Variants in PPP1R7 observed in about 807,000 individuals in gnomAD.
The protein encoded by PPP1R7 is protein phosphatase 1 regulatory subunit 22.
PPP1R7 carries 18 observed loss-of-function variants against 45.2 expected under a neutral mutation model. That is an observed-to-expected ratio of 0.40 (90% CI 0.28 to 0.59). The LOEUF is 0.59. Among genes scored for constraint, PPP1R7 ranks in the 20% least tolerant of loss-of-function variants. The pLI is 0.46. For synonymous variants in PPP1R7, 181 were observed against 183.4 expected, an observed-to-expected ratio of 0.99 and a Z score of 0.11; for missense variants, 314 against 455.8, an observed-to-expected ratio of 0.69 and a Z score of 2.83.
upstream of PPP1R7, chr2:241,150,141 G>A: frequency 7.9e-7 from 1 of 1,272,632 alleles, no homozygotes; most frequent in Non-Finnish European, 9.9e-7. Flanking sequence ...TCGAGACAGT[G>A]ACATAAGTCA....
intron 6 of PPP1R7, among the ~76,000 whole-genome samples, chr2:241,162,207 C>G (rs1559421017): frequency 6.6e-6 from 1 of 152,202 alleles, no homozygotes; most frequent in Non-Finnish European, 1.5e-5. Context: ...CAAATTAATG[C>G]AGGCTACAGC....
chr2:241,163,667 T>A (rs1443640838), intron 7 of PPP1R7, among the ~76,000 whole-genome samples: 1 of 152,132 alleles, frequency 6.6e-6, no homozygotes, highest in African/African-American at 2.4e-5. Context: ...GCAGTGGTGC[T>A]GTCATAGCTC....
intron 9 of PPP1R7, among the ~76,000 whole-genome samples, chr2:241,172,153 A>AT (rs2067827609): frequency 9.1e-6 from 1 of 110,232 alleles, no homozygotes; most frequent in Non-Finnish European, 1.9e-5. Flanking sequence ...TTTTGGAGTG[A>AT]CTTTTTTTTT....
rs939191076 is a variant in PPP1R7, at chr2:241,151,455, G to A, written c.52+908G>A. On this transcript the variant is annotated intron_variant, in intron 1 of 9. Transcript: ENST00000234038. ...GCTGCAGAAGCAGGGCGAGCTCTGA[G>A]CTGGAGCCTGAAGAATAACTCGAAG... 8 of 471,158 alleles carry A rather than the reference G, an allele frequency of 1.7e-5. No individual in the cohort carries two copies. In the East Asian group the frequency reaches 2.8e-4, roughly 16 times the overall value. 29.2% of individuals were successfully genotyped at this position (471,158 alleles called of 1,614,324 possible). A position where few individuals can be genotyped will look rare whatever the true frequency, so the allele number is the denominator to read the frequency against.
chr2:241,174,011 A>T (rs1399334220), intron 9 of PPP1R7, among the ~76,000 whole-genome samples: 1 of 149,026 alleles, frequency 6.7e-6, no homozygotes, highest in Admixed American at 6.7e-5. Context: ...TTTTTATTAG[A>T]TCCTGGGCTT....
intron 9 of PPP1R7, among the ~76,000 whole-genome samples, chr2:241,174,437 C>G (rs765673542): frequency 6.6e-6 from 1 of 152,094 alleles, no homozygotes; most frequent in South Asian, 2.1e-4. Context: ...CCCTACATAG[C>G]TCACTCCTAT....
At chr2:241,171,877 G>C (rs1000782149) in intron 9 of PPP1R7, among the ~76,000 whole-genome samples, 1 of 152,034 alleles carries the variant, frequency 6.6e-6, no homozygotes, top group South Asian at 2.1e-4. Context: ...TATGATTAGC[G>C]CTCTCATGGA....
intron 1 of PPP1R7, among the ~76,000 whole-genome samples, chr2:241,151,939 C>T (rs2067324692): frequency 6.6e-6 from 1 of 152,224 alleles, no homozygotes; most frequent in African/African-American, 2.4e-5. Context: ...GAGCCACTGT[C>T]CCATGTTCCA....
Position 241,150,515 on chromosome 2 carries a change from C to A in PPP1R7, c.20C>A (p.Ala7Glu). The A allele has an allele frequency of 1.9e-6, 3 of 1,598,232 alleles. No individual in the cohort carries two copies. The highest frequency in any genetic ancestry group is 1.7e-4 in the Middle Eastern group (1 of 5,762). MAAERG[A>E]GQQQSQEMME... is the part of the protein sequence containing the mutation. ...GCCAACATGGCGGCGGAACGCGGCG[C>A]GGGGCAGCAACAGTCGCAGGAGATG... Residue 7 changes from alanine to glutamate, a missense_variant, in exon 1 of 10, where the codon GCG (alanine) becomes GAG (glutamate). Around this residue, in one of 3 missense-constraint regions of PPP1R7, gnomAD observed 34 missense variants for 26.0 expected, o/e 1.31. Coordinates refer to ENST00000234038, the MANE Select transcript of PPP1R7 (RefSeq NM_002712.3).
intron 4 of PPP1R7, 108 bp downstream of exon 4, chr2:241,158,657 C>T (rs910178653): frequency 3.3e-5 from 37 of 1,129,454 alleles, no homozygotes; most frequent in African/African-American, 1.5e-4. Context: ...AGCCTGTGGG[C>T]GGCGTGGCTG....
chr2:241,167,751 GAAAA>G (rs907381672), intron 8 of PPP1R7, among the ~76,000 whole-genome samples: 3 of 146,850 alleles, frequency 2.0e-5, no homozygotes, highest in African/African-American at 7.5e-5. Flanking sequence ...AAACAAAACA[GAAAA>G]AAAAAAATTG....
At chr2:241,157,718 A>G (rs923981399) in intron 2 of PPP1R7, 89 bp from the exon 3 acceptor site, 1 of 1,321,682 alleles carries the variant, frequency 7.6e-7, no homozygotes, top group Non-Finnish European at 1.1e-6. Flanking sequence ...TGGGCACCAA[A>G]CAGCCCCAGA....
At chr2:241,151,055 G>A (rs925474252) in intron 1 of PPP1R7, among the ~76,000 whole-genome samples, 1 of 152,200 alleles carries the variant, frequency 6.6e-6, no homozygotes, top group African/African-American at 2.4e-5. Context: ...TGTTTTCAAA[G>A]CTGTCATAGT....
In PPP1R7 at chr2:241,157,945, T is replaced by G; in HGVS notation, c.237+83T>G. 2.8e-6 allele frequency: 4 copies of G among 1,445,916 alleles called. No individual in the cohort carries two copies. The Admixed American group carries it at 7.1e-5, about 26-fold the overall frequency. 89.6% of individuals were successfully genotyped at this position (1,445,916 alleles called of 1,614,324 possible). A position where few individuals can be genotyped will look rare whatever the true frequency, so the allele number is the denominator to read the frequency against. The stretch of plus-strand genomic sequence containing the variant: ...ATCTTGTATGAGATTAGTAAGTTAT[T>G]TCCCTAGAGAGGTGGCCTAAGCCTC... On this transcript the variant is annotated intron_variant, in intron 3 of 9. Coordinates refer to ENST00000234038, the MANE Select transcript of PPP1R7 (RefSeq NM_002712.3).
upstream of PPP1R7, chr2:241,150,228 C>T (rs1244192530): frequency 3.9e-6 from 5 of 1,281,718 alleles, no homozygotes; most frequent in Non-Finnish European, 3.9e-6. Flanking sequence ...TCTGTGCGTC[C>T]CGCTTCGACT....
At chr2:241,154,271 A>G (rs572782589) in intron 2 of PPP1R7, among the ~76,000 whole-genome samples, 145 of 152,056 alleles carry the variant, frequency 9.5e-4, no homozygotes, top group Non-Finnish European at 1.3e-3. Flanking sequence ...TTCGAAATAA[A>G]TGTTATGGCT....
At chr2:241,156,219 C>T (rs554133609) in intron 2 of PPP1R7, among the ~76,000 whole-genome samples, 2 of 152,212 alleles carry the variant, frequency 1.3e-5, no homozygotes. Flanking sequence ...ACAGTAACAG[C>T]ACTGACAGCC....
chr2:241,149,637 CA>C, upstream of PPP1R7: 2 of 1,539,554 alleles, frequency 1.3e-6, no homozygotes, highest in Non-Finnish European at 8.7e-7. Context: ...TCGGAGGAGC[CA>C]AAGGAATAAT....
intron 1 of PPP1R7, among the ~76,000 whole-genome samples, chr2:241,151,031 C>T (rs1019682580): frequency 6.6e-6 from 1 of 152,184 alleles, no homozygotes; most frequent in African/African-American, 2.4e-5. Flanking sequence ...GATTGAGTTA[C>T]ACAAGGTGAT....
Sources: allele counts gnomAD v4.1 joint callset (sites outside exome capture counted in the v4.1 genomes callset), GRCh38; gene constraint gnomAD v4.1.1; regional missense constraint gnomAD v4.1.1; transcripts MANE v1.5; gene names NCBI Gene and HGNC (gene_info 2026-07-23, HGNC 2026-07-21).